Variants in RGS5 observed in about 807,000 individuals in gnomAD.
RGS5 encodes the protein regulator of G-protein signalling 5.
In RGS5, 20 loss-of-function variants were observed where a neutral mutation model predicts 18.9. The observed-to-expected ratio is 1.06, with a 90% CI of 0.74 to 1.54. The LOEUF is 1.54. RGS5 is among the 40% of genes most tolerant of loss of function. RGS5 has a pLI of 0.00. For synonymous variants in RGS5, 57 were observed against 76.2 expected, an observed-to-expected ratio of 0.75 and a Z score of 1.31; for missense variants, 201 against 211.8, an observed-to-expected ratio of 0.95 and a Z score of 0.32.
intron 2 of RGS5, among the ~76,000 whole-genome samples, chr1:163,289,874 C>G (rs1649235782): frequency 6.6e-6 from 1 of 152,056 alleles, no homozygotes; most frequent in African/African-American, 2.4e-5. Context: ...CAAAAAGCAG[C>G]CTGAAAAATC....
chr1:163,181,785 G>A (rs531913685), intron 1 of RGS5, among the ~76,000 whole-genome samples: 80 of 152,168 alleles, frequency 5.3e-4, no homozygotes, highest in African/African-American at 1.9e-3. Flanking sequence ...ACTAAGTACC[G>A]TAAAGTTGCT....
At chr1:163,316,040 A>G (rs1487845223) in intron 1 of RGS5, among the ~76,000 whole-genome samples, 3 of 152,232 alleles carry the variant, frequency 2.0e-5, no homozygotes, top group Admixed American at 6.5e-5. Flanking sequence ...TTTAAATACT[A>G]GCGTACTTTC....
chr1:163,218,803 T>C (rs1660273751), upstream of RGS5, among the ~76,000 whole-genome samples: 1 of 152,200 alleles, frequency 6.6e-6, no homozygotes, highest in Non-Finnish European at 1.5e-5. Flanking sequence ...AGAGATTGCC[T>C]CAGGATATTC....
At chr1:163,310,173 G>A (rs1157039702) in intron 1 of RGS5, among the ~76,000 whole-genome samples, 1 of 152,192 alleles carries the variant, frequency 6.6e-6, no homozygotes, top group African/African-American at 2.4e-5. Flanking sequence ...AGAATTTTCA[G>A]AATGGTCAGT....
intron 2 of RGS5, chr1:163,304,810 T>C (rs1649653105): frequency 1.3e-5 from 2 of 152,210 alleles, no homozygotes; most frequent in Admixed American, 1.3e-4. Flanking sequence ...GGGCCACACA[T>C]TGGGAATAAT....
chr1:163,320,156 G>A (rs1392584081), intron 1 of RGS5, among the ~76,000 whole-genome samples: 1 of 151,746 alleles, frequency 6.6e-6, no homozygotes, highest in Non-Finnish European at 1.5e-5. Flanking sequence ...TCTAATCTTG[G>A]CTTTCACATA....
At chr1:163,188,569 A>T (rs1659194313) in intron 1 of RGS5, among the ~76,000 whole-genome samples, 1 of 152,210 alleles carries the variant, frequency 6.6e-6, no homozygotes, top group Admixed American at 6.5e-5. Context: ...TGGATTCTGG[A>T]CCCACAGCTC....
At chr1:163,218,313 C>T (rs1319670103), upstream of RGS5, among the ~76,000 whole-genome samples, 3 of 152,188 alleles carry the variant, frequency 2.0e-5, no homozygotes, top group Non-Finnish European at 4.4e-5. Flanking sequence ...AACAAACCCA[C>T]AGATGGATAT....
At chr1:163,279,813 G>A (rs1441374542) in intron 2 of RGS5, among the ~76,000 whole-genome samples, 7 of 151,636 alleles carry the variant, frequency 4.6e-5, no homozygotes, top group African/African-American at 1.7e-4. Context: ...AATCAGAAAT[G>A]AAAAAGGAGG....
rs114553481 is a variant in RGS5 at position 163,229,731 on chromosome 1, T to C, written c.-280-61363A>G. Among the ~76,000 whole-genome samples the C allele has an allele frequency of 2.3e-3, 352 of 152,314 alleles. 3 individuals carry two copies. The highest frequency in any genetic ancestry group is 8.3e-3 in the African/African-American group (346 of 41,578). ...CCTCCTTCAGACTTTTACTCAAATA[T>C]TGGCTTTTCAGTGAGACTTTTCCTA... On this transcript the variant is annotated intron_variant, in intron 2 of 5. Coordinates refer to the RGS5 transcript ENST00000618415.
chr1:163,214,513 C>T (rs772691584), intron 1 of RGS5, among the ~76,000 whole-genome samples: 5 of 152,068 alleles, frequency 3.3e-5, no homozygotes, highest in African/African-American at 1.2e-4. Flanking sequence ...CCTCTATCTC[C>T]TTCATCATCA....
chr1:163,257,838 A>G (rs1282021409), intron 2 of RGS5, among the ~76,000 whole-genome samples: 1 of 152,200 alleles, frequency 6.6e-6, no homozygotes, highest in Admixed American at 6.6e-5. Flanking sequence ...AGGGTGCTAG[A>G]TAATACTTGT....
intron 3 of RGS5, among the ~76,000 whole-genome samples, chr1:163,154,042 C>G (rs1459538046): frequency 1.3e-5 from 2 of 152,138 alleles, no homozygotes; most frequent in South Asian, 4.1e-4. Context: ...ATTATTGTCA[C>G]CAGTACTTTA....
Position 163,246,357 on chromosome 1 carries a change from T to G in RGS5, c.-281+59876A>C, listed in dbSNP as rs1013169777. Among the ~76,000 whole-genome samples, 221 of 151,300 alleles carry G rather than the reference T, an allele frequency of 1.5e-3. 1 individual carries two copies. Among genetic ancestry groups the G allele is most frequent in the African/African-American group, 5.0e-3 (208 of 41,354 alleles). The stretch of plus-strand genomic sequence containing the variant: ...AGGCTGAGGCGGGCGGATCACGAGG[T>G]CAGGAGTTTGAGATCAGCCTGGCCA... On this transcript the variant is annotated intron_variant, in intron 2 of 5. Coordinates refer to the RGS5 transcript ENST00000618415.
intron 1 of RGS5, among the ~76,000 whole-genome samples, chr1:163,173,070 C>T (rs935039051): frequency 6.6e-6 from 1 of 152,150 alleles, no homozygotes; most frequent in African/African-American, 2.4e-5. Context: ...ATTAATTTGG[C>T]ATCAAAAACA....
intron 2 of RGS5, among the ~76,000 whole-genome samples, chr1:163,243,260 G>A (rs1440068367): frequency 1.3e-5 from 2 of 152,092 alleles, no homozygotes; most frequent in Admixed American, 1.3e-4. Context: ...ACGGACACAG[G>A]GAGGGGAACA....
At chr1:163,305,985 T>G (rs191178470) in intron 2 of RGS5, among the ~76,000 whole-genome samples, 1 of 150,496 alleles carries the variant, frequency 6.6e-6, no homozygotes, top group Non-Finnish European at 1.5e-5. Flanking sequence ...GCTATACAAC[T>G]GTTTCTTATT....
intron 2 of RGS5, among the ~76,000 whole-genome samples, chr1:163,257,045 TTTTA>T (rs1325883591): frequency 3.3e-5 from 5 of 152,264 alleles, no homozygotes; most frequent in African/African-American, 1.2e-4. Context: ...TTTTTTGAGG[TTTTA>T]TTATGGGCCT....
chr1:163,317,585 C>T (rs996430020), intron 1 of RGS5, among the ~76,000 whole-genome samples: 3 of 152,142 alleles, frequency 2.0e-5, no homozygotes, highest in Admixed American at 6.5e-5. Context: ...AGTAGCGATT[C>T]ATCATCTAAA....
Sources: gnomAD v4.1 joint callset for allele counts (sites outside exome capture counted in the v4.1 genomes callset) on GRCh38, gnomAD v4.1.1 for gene constraint, MANE v1.5 for transcripts, NCBI Gene and HGNC (gene_info 2026-07-23, HGNC 2026-07-21) for gene names.